Variants in VWF observed in about 807,000 individuals in gnomAD.
The protein encoded by VWF is von Willebrand factor.
In VWF, 176 loss-of-function variants were observed where a neutral mutation model predicts 308.6. The observed-to-expected ratio is 0.57, with a 90% CI of 0.50 to 0.65. The LOEUF (loss-of-function observed/expected upper bound fraction) is 0.65. Ranked by LOEUF, VWF falls within the 30% of genes least tolerant of loss-of-function variation. The pLI is 0.00. For synonymous variants in VWF, 1,385 were observed against 1,443.4 expected (o/e 0.96, Z 0.92); for missense variants, 3,146 against 3,648.2 (o/e 0.86, Z 3.55).
chr12:5,993,662 T>C lies in VWF; in HGVS notation c.6598+200A>G, dbSNP rs78432670. Among the ~76,000 whole-genome samples, 44,340 of 143,452 alleles carry C rather than the reference T, an allele frequency of 0.31. 6,903 individuals carry two copies. Among genetic ancestry groups the C allele is most frequent in the South Asian group, 0.37 (1,632 of 4,410 alleles). The allele number at this position is 143,452 out of a possible 152,430, so 94.1% of individuals were successfully genotyped here. On this transcript the variant is annotated intron_variant, in intron 37 of 51. Coordinates refer to ENST00000261405, the MANE Select transcript of VWF (RefSeq NM_000552.5). Reference sequence around the variant, plus strand: ...GTGTGTGTGTGTGTATATATATATATATACACACACACACATATACATATA... The same window carrying C: ...GTGTGTGTGTGTGTATATATATATACATACACACACACACATATACATATA...
In VWF at chr12:6,051,263, C is replaced by T. The variant is rs559952240; in HGVS notation, c.2186+1280G>A. Among the ~76,000 whole-genome samples the T allele has an allele frequency of 1.4e-3, 214 of 149,498 alleles. 2 individuals are homozygous for T. Among genetic ancestry groups the T allele is most frequent in the African/African-American group, 4.9e-3 (199 of 40,680 alleles). The stretch of plus-strand genomic sequence containing the variant: ...TACTTTAATGTCTGTCTGAAATTTT[C>T]CATAATCAGGACTTCTTTTTTTCTT... On this transcript the variant is annotated intron_variant, in intron 16 of 51. Coordinates refer to ENST00000261405, the MANE Select transcript of VWF (RefSeq NM_000552.5).
At chr12:5,969,104 C>T (rs1261509225) in intron 45 of VWF, 107 bp downstream of exon 45, 9 of 1,297,818 alleles carry the variant, frequency 6.9e-6, no homozygotes, top group Non-Finnish European at 9.8e-6. Context: ...TCGGTCCTAT[C>T]CATTTCCCTA....
Position 6,057,184 on chromosome 12 carries a change from G to A in VWF, c.1730-112C>T, listed in dbSNP as rs549387961. 3.2e-4 allele frequency: 320 copies of A among 1,000,026 alleles called. 1 individual carries two copies. In the African/African-American group the frequency reaches 3.5e-3, roughly 11 times the overall value. The allele number at this position is 1,000,026 out of a possible 1,614,324, so 61.9% of individuals were successfully genotyped here. A position where few individuals can be genotyped will look rare whatever the true frequency, so the allele number is the denominator to read the frequency against. On this transcript the variant is annotated intron_variant, in intron 14 of 51. Transcript: ENST00000261405. ...CAGTGCTGCTAATAGAGGGCTGCAAGGTCACGCAGAGAAATCTGCAAATGC... is the reference window on the plus strand; with the variant it reads ...CAGTGCTGCTAATAGAGGGCTGCAAAGTCACGCAGAGAAATCTGCAAATGC...
In VWF at chr12:6,073,757, A is replaced by C. The variant is rs540534607; in HGVS notation, c.875-16T>G. The stretch of plus-strand genomic sequence containing the variant: ...CACACTGGGCCTGAAAAGGAACATC[A>C]AAGGGGTCTACCCAGGGCAGGTCCC... On this transcript the variant is annotated splice_polypyrimidine_tract_variant and intron_variant, in intron 7 of 51. Coordinates refer to ENST00000261405, the MANE Select transcript of VWF (RefSeq NM_000552.5). 21 of 1,613,690 alleles carry C rather than the reference A, an allele frequency of 1.3e-5. No homozygotes were observed. In the African/African-American group the frequency reaches 2.8e-4, roughly 22 times the overall value.
intron 16 of VWF, among the ~76,000 whole-genome samples, chr12:6,050,408 TG>T (rs1433863417): frequency 6.6e-6 from 1 of 152,184 alleles, no homozygotes; most frequent in Non-Finnish European, 1.5e-5. Flanking sequence ...TCATACCTCA[TG>T]CAGCTCCCAA....
intron 38 of VWF, among the ~76,000 whole-genome samples, chr12:5,988,185 C>T (rs1211645115): frequency 6.6e-6 from 1 of 152,146 alleles, no homozygotes; most frequent in African/African-American, 2.4e-5. Flanking sequence ...GGAACACTCC[C>T]GCAGTGCCCG....
At chr12:5,956,979 A>G (rs1943259073) in intron 47 of VWF, among the ~76,000 whole-genome samples, 1 of 152,220 alleles carries the variant, frequency 6.6e-6, no homozygotes, top group South Asian at 2.1e-4. Flanking sequence ...AGCAACTTCC[A>G]GTCCTATAAG....
chr12:6,087,553 G>C (rs1479305562), intron 6 of VWF, among the ~76,000 whole-genome samples: 1 of 145,746 alleles, frequency 6.9e-6, no homozygotes, highest in Non-Finnish European at 1.5e-5. Flanking sequence ...TGTTAGTAGA[G>C]ACGGGGCTTC....
intron 25 of VWF, among the ~76,000 whole-genome samples, 187 bp downstream of exon 25, chr12:6,023,444 C>T (rs1420417384): frequency 6.6e-6 from 1 of 152,252 alleles, no homozygotes; most frequent in African/African-American, 2.4e-5. Flanking sequence ...TGTCCCACCT[C>T]ACCCGTAATA....
chr12:6,025,641 G>A lies in VWF; in HGVS notation c.3161C>T (p.Thr1054Met), dbSNP rs757834200. 90 of 1,578,766 alleles carry A rather than the reference G, an allele frequency of 5.7e-5. No homozygotes were observed. Among genetic ancestry groups the A allele is most frequent in the South Asian group, 1.0e-4 (9 of 89,682 alleles). ...GATTCTACAGGAGGAATCCACCATCGTCTGCTTCATGATGTTGTTATGGCA... is the reference window on the plus strand; with the variant it reads ...GATTCTACAGGAGGAATCCACCATCATCTGCTTCATGATGTTGTTATGGCA... ...ATCHNNIMKQ[T>M]MVDSSCRILT... The change falls in exon 24 of 52, where the codon ACG becomes ATG. Residue 1054 changes from threonine (T) to methionine (M), a missense_variant. This residue lies in a region of VWF where 853 missense variants were observed against 1,177.8 expected (regional missense o/e 0.72). Coordinates refer to ENST00000261405, the MANE Select transcript of VWF (RefSeq NM_000552.5).
chr12:6,101,379 C>T (rs1353099405), intron 5 of VWF, among the ~76,000 whole-genome samples: 2 of 151,432 alleles, frequency 1.3e-5, no homozygotes, highest in African/African-American at 2.4e-5. Flanking sequence ...CCAGCATGAG[C>T]ACAACACTTG....
At chr12:6,045,270 C>T (rs575531291) in intron 17 of VWF, among the ~76,000 whole-genome samples, 1 of 152,364 alleles carries the variant, frequency 6.6e-6, no homozygotes, top group South Asian at 2.1e-4. Flanking sequence ...GTATCACATA[C>T]TCGCTCCTCT....
Position 6,020,555 on chromosome 12 carries a change from C to T in VWF, c.3675-812G>A, listed in dbSNP as rs4021572. Among the ~76,000 whole-genome samples the T allele has an allele frequency of 6.6e-6, 1 of 152,258 alleles. No individual in the cohort carries two copies. The highest frequency in any genetic ancestry group is 2.4e-5 in the African/African-American group (1 of 41,474). On this transcript the variant is annotated intron_variant, in intron 27 of 51. Transcript: ENST00000261405. This position sits in a 1 kb window ranked among gnomAD's most constrained non-coding sequence, Gnocchi z 4.3. ...TTCCTACACTACCATGCCAAATTTC[C>T]AGGCTCTGCTGGTAACATCACCTTT...
intron 38 of VWF, among the ~76,000 whole-genome samples, chr12:5,988,405 G>A (rs1035818455): frequency 6.6e-6 from 1 of 152,158 alleles, no homozygotes; most frequent in Non-Finnish European, 1.5e-5. Context: ...TGGGGCAGGG[G>A]GTCGAATTGG....
chr12:6,107,485 G>C (rs1343682631), intron 5 of VWF, among the ~76,000 whole-genome samples: 1 of 152,090 alleles, frequency 6.6e-6, no homozygotes. Context: ...ACACACATCT[G>C]AAACAAAATC....
chr12:6,051,496 G>A (rs746294495), intron 16 of VWF, among the ~76,000 whole-genome samples: 4 of 152,022 alleles, frequency 2.6e-5, no homozygotes, highest in Admixed American at 2.0e-4. Flanking sequence ...GGATGGTCTC[G>A]ATCTACTGAC....
At chr12:5,954,793 C>T (rs723189) in intron 47 of VWF, among the ~76,000 whole-genome samples, 101,959 of 152,138 alleles carry the variant, frequency 0.67, 36,518 homozygotes, top group African/African-American at 0.91. Flanking sequence ...ACACACCACA[C>T]GGGAGAGAGT....
Position 6,063,646 on chromosome 12 carries a change from A to C in VWF, c.1433-592T>G, listed in dbSNP as rs1270729864. Among the ~76,000 whole-genome samples, 1 of 152,156 alleles carries C rather than the reference A, an allele frequency of 6.6e-6. No individual in the cohort carries two copies. Among genetic ancestry groups the C allele is most frequent in the Admixed American group, 6.5e-5 (1 of 15,280 alleles). On this transcript the variant is annotated intron_variant, in intron 12 of 51. Coordinates refer to ENST00000261405, the MANE Select transcript of VWF (RefSeq NM_000552.5). This position sits in a 1 kb window ranked among gnomAD's most constrained non-coding sequence, Gnocchi z 4.9. ...TGCAATGCTAGGATAATGGGCGACA[A>C]AGTGGCCAGCAGTTGTGGAGAAGAA...
intron 38 of VWF, among the ~76,000 whole-genome samples, chr12:5,986,183 G>A (rs1355352037): frequency 6.6e-6 from 1 of 152,212 alleles, no homozygotes. Flanking sequence ...GCAGAGAGCA[G>A]CCTTCTCGAA....
Sources: gnomAD v4.1 joint callset for allele counts (sites outside exome capture counted in the v4.1 genomes callset) on GRCh38, gnomAD v4.1.1 for gene constraint, gnomAD v4.1.1 regional missense constraint, Gnocchi (gnomAD v3.1) non-coding constraint, MANE v1.5 for transcripts, NCBI Gene and HGNC (gene_info 2026-07-23, HGNC 2026-07-21) for gene names.